MACF1: variants seen among roughly 807,000 people sequenced by gnomAD.
MACF1 encodes the protein microtubule-actin cross-linking factor 1.
MACF1 carries 193 observed loss-of-function variants against 854.8 expected under a neutral mutation model. The ratio of observed to expected loss-of-function variants is 0.23; its 90% CI spans 0.20 to 0.25. MACF1 has a LOEUF of 0.25. Among genes scored for constraint, MACF1 ranks in the 10% least tolerant of loss-of-function variants. The pLI, the probability that MACF1 is intolerant of heterozygous loss-of-function variation, is 1.00. For synonymous variants in MACF1, 3,185 were observed against 3,226.7 expected, an observed-to-expected ratio of 0.99 and a Z score of 0.44; for missense variants, 7,722 against 8,929.1, an observed-to-expected ratio of 0.86 and a Z score of 5.45.
At position 39,335,940 on chromosome 1, in the gene MACF1, G is replaced by A; in HGVS notation, c.9352G>A (p.Asp3118Asn). The A allele has an allele frequency of 6.2e-7, 1 of 1,614,144 alleles. No homozygotes were observed. Reference protein sequence around the residue: ...RPEGLHYQESDGKAQVTGPSQ... With the variant: ...RPEGLHYQESNGKAQVTGPSQ... ...TGAAGGATTGCACTACCAGGAATCA[G>A]ATGGAAAAGCCCAAGTGACAGGCCC... Residue 3118 changes from aspartate to asparagine, a missense_variant, in exon 37 of 101, where the codon GAT (aspartate) becomes AAT (asparagine). By Grantham distance (23) the Asp-to-Asn change is conservative. Transcript: ENST00000564288.
rs1235082350 is a variant in MACF1, at chr1:39,480,955, C to T, written c.22206C>T (p.Pro7402=). The T allele has an allele frequency of 4.5e-6, 7 of 1,550,778 alleles. No individual in the cohort carries two copies. In the East Asian group the frequency reaches 1.2e-4, roughly 27 times the overall value. ...SLQFSRCYDK[P]WLVNSKAGTP... ...AGTTCTCTCGCTGTTATGACAAACC[C>T]TGGTTGGTAAACAGTAAAGCTGGCA... The change falls in exon 99 of 101, where the codon CCC becomes CCT. Residue 7402 remains proline (P), a synonymous_variant. Coordinates refer to ENST00000564288, the MANE Select transcript of MACF1 (RefSeq NM_001394062.1).
At chr1:39,289,693 C>CTTTTTTTTTCTTTTTTTTT in intron 15 of MACF1, among the ~76,000 whole-genome samples, 1 of 28,940 alleles carries the variant, frequency 3.5e-5, no homozygotes, top group Non-Finnish European at 6.0e-5. Context: ...GTGGGTTGTC[C>CTTTTTTTTTCTTTTTTTTT]TTTTTTTTTT....
chr1:39,313,913 T>C (rs1402965493), intron 26 of MACF1, among the ~76,000 whole-genome samples: 1 of 151,918 alleles, frequency 6.6e-6, no homozygotes, highest in Non-Finnish European at 1.5e-5. Flanking sequence ...ATGATGCCCA[T>C]TGAAGTTCTT....
In MACF1 at chr1:39,285,089, A is replaced by G. The variant is rs1272557145; in HGVS notation, c.1138A>G (p.Ile380Val). 1 of 1,614,008 alleles carries G rather than the reference A, an allele frequency of 6.2e-7. No individual in the cohort carries two copies. Among genetic ancestry groups the G allele is most frequent in the Non-Finnish European group, 8.5e-7 (1 of 1,180,010 alleles). ...GAAAGAGTATCTGTTTCAGGTGTGGATTGAATTTGGCCGAATTAAACTGCC... is the reference window on the plus strand; with the variant it reads ...GAAAGAGTATCTGTTTCAGGTGTGGGTTGAATTTGGCCGAATTAAACTGCC... ...EELYKLLEVW[I>V]EFGRIKLPQG... is the part of the protein sequence containing the mutation. Residue 380 changes from isoleucine (I) to valine (V), a missense_variant, in exon 12 of 101, where the codon ATT becomes GTT. Around this residue, in one of 15 missense-constraint regions of MACF1, gnomAD observed 97 missense variants for 130.4 expected, o/e 0.74. Coordinates refer to ENST00000564288, the MANE Select transcript of MACF1 (RefSeq NM_001394062.1).
intron 97 of MACF1, among the ~76,000 whole-genome samples, chr1:39,471,736 T>C (rs1246404792): frequency 6.6e-6 from 1 of 152,156 alleles, no homozygotes; most frequent in Admixed American, 6.5e-5. Flanking sequence ...TTTTTGATCA[T>C]TAGACATATT....
chr1:39,424,263 A>C, intron 61 of MACF1, 69 bp downstream of exon 61: 1 of 1,370,686 alleles, frequency 7.3e-7, no homozygotes, highest in Non-Finnish European at 1.0e-6. Context: ...TATTATCACT[A>C]TAAGTTCTTG....
At chr1:39,355,685 C>T (rs1647494087) in intron 44 of MACF1, among the ~76,000 whole-genome samples, 1 of 152,002 alleles carries the variant, frequency 6.6e-6, no homozygotes, top group Non-Finnish European at 1.5e-5. Flanking sequence ...AGCATGGTCT[C>T]GATCTCTTGG....
chr1:39,265,403 C>T (rs1645219498), intron 6 of MACF1, among the ~76,000 whole-genome samples: 1 of 151,980 alleles, frequency 6.6e-6, no homozygotes, highest in African/African-American at 2.4e-5. Context: ...CAGAAGGCAG[C>T]AAGTCTTGTG....
chr1:39,481,658 C>T (rs1396654492), intron 99 of MACF1, among the ~76,000 whole-genome samples: 3 of 152,200 alleles, frequency 2.0e-5, no homozygotes, highest in African/African-American at 7.2e-5. Flanking sequence ...TAAGCATGTT[C>T]AAGTGCAGCC....
rs1646401334 is a variant in MACF1 at position 39,315,796 on chromosome 1, T to A, written c.3449+105T>A. 3 of 1,150,524 alleles carry A rather than the reference T, an allele frequency of 2.6e-6. 1 individual carries two copies. The highest frequency in any genetic ancestry group is 3.7e-6 in the Non-Finnish European group (3 of 820,968). 71.3% of individuals were successfully genotyped at this position (1,150,524 alleles called of 1,614,324 possible). ...AATAATACAGAGAGATTATAGATCC[T>A]GAAGAGCATATACTGATAATGAGAG... is the stretch of plus-strand genomic sequence containing the variant. On this transcript the variant is annotated intron_variant, in intron 27 of 100. Transcript: ENST00000564288.
At chr1:39,234,204 C>G (rs1323665109) in intron 2 of MACF1, among the ~76,000 whole-genome samples, 1 of 151,942 alleles carries the variant, frequency 6.6e-6, no homozygotes, top group African/African-American at 2.4e-5. Context: ...TACACAGACA[C>G]GGCAACCATC....
At chr1:39,315,830 T>A in intron 27 of MACF1, 139 bp downstream of exon 27, 1 of 794,788 alleles carries the variant, frequency 1.3e-6, no homozygotes, top group Non-Finnish European at 1.9e-6. Context: ...AGGTCTTGGC[T>A]TCAGTTCCTA....
chr1:39,435,527 C>T (rs745423404), intron 69 of MACF1, 31 bp from the exon 70 acceptor site: 1 of 1,535,110 alleles, frequency 6.5e-7, no homozygotes, highest in Non-Finnish European at 9.0e-7. Flanking sequence ...TATAAAAGTA[C>T]TCATTATGGT....
At chr1:39,405,027 G>A (rs1222661209) in intron 58 of MACF1, among the ~76,000 whole-genome samples, 1 of 152,138 alleles carries the variant, frequency 6.6e-6, no homozygotes, top group Non-Finnish European at 1.5e-5. Context: ...TTAATACACT[G>A]TCTTTTGGAA....
intron 2 of MACF1, among the ~76,000 whole-genome samples, chr1:39,145,736 G>C (rs1394795594): frequency 6.6e-6 from 1 of 152,088 alleles, no homozygotes; most frequent in Non-Finnish European, 1.5e-5. Flanking sequence ...TTCCCTGACT[G>C]TGTGCTATCT....
chr1:39,409,041 C>T lies in MACF1; in HGVS notation c.15817-13333C>T, dbSNP rs1328098845. ...GGCGGGGCGGCGCAGCGCGGCGGCG[C>T]GGGGAAGGGGGAGGAGAGCCGCCCG... On this transcript the variant is annotated intron_variant, in intron 58 of 100. Coordinates refer to ENST00000564288, the MANE Select transcript of MACF1 (RefSeq NM_001394062.1). This position sits in a 1 kb window ranked among gnomAD's most constrained non-coding sequence, Gnocchi z 4.2. Among the ~76,000 whole-genome samples, 1 of 151,572 alleles carries T rather than the reference C, an allele frequency of 6.6e-6. No individual in the cohort carries two copies. The highest frequency in any genetic ancestry group is 1.5e-5 in the Non-Finnish European group (1 of 67,806).
At chr1:39,148,576 C>T (rs1643512347) in intron 2 of MACF1, among the ~76,000 whole-genome samples, 1 of 152,120 alleles carries the variant, frequency 6.6e-6, no homozygotes, top group African/African-American at 2.4e-5. Context: ...TAACATGTTT[C>T]TTCACTTAGT....
At chr1:39,305,644 T>G (rs1244226994) in intron 23 of MACF1, among the ~76,000 whole-genome samples, 1 of 152,212 alleles carries the variant, frequency 6.6e-6, no homozygotes, top group Non-Finnish European at 1.5e-5. Context: ...AGTACATGTG[T>G]TGTTTAAAGC....
intron 2 of MACF1, among the ~76,000 whole-genome samples, chr1:39,125,622 G>T (rs1398228496): frequency 1.3e-5 from 2 of 152,168 alleles, no homozygotes; most frequent in African/African-American, 2.4e-5. Flanking sequence ...TTTGGGAAAT[G>T]AGAATTAGTA....
Sources: allele counts gnomAD v4.1 joint callset (sites outside exome capture counted in the v4.1 genomes callset), GRCh38; gene constraint gnomAD v4.1.1; regional missense constraint gnomAD v4.1.1; non-coding constraint Gnocchi (gnomAD v3.1); transcripts MANE v1.5; gene names NCBI Gene and HGNC (gene_info 2026-07-23, HGNC 2026-07-21).